The following NRXN3 variants were observed in gnomAD, a reference collection of about 807,000 sequenced individuals.
NRXN3 encodes neurexin 3.
Under a neutral mutation model 137.6 loss-of-function variants are expected in NRXN3, and 32 were observed. The ratio of observed to expected loss-of-function variants is 0.23; its 90% CI spans 0.18 to 0.31. The LOEUF (loss-of-function observed/expected upper bound fraction) is 0.31. NRXN3 is among the 10% of genes least tolerant of loss of function. The pLI, the probability that NRXN3 is intolerant of heterozygous loss-of-function variation, is 1.00. For missense variants in NRXN3, 1,574 were observed against 2,062.5 expected, an observed-to-expected ratio of 0.76 and a Z score of 4.59; for synonymous variants, 798 against 784.5, an observed-to-expected ratio of 1.02 and a Z score of -0.29.
chr14:79,146,347 C>T (rs1414485198), intron 15 of NRXN3, among the ~76,000 whole-genome samples: 1 of 152,092 alleles, frequency 6.6e-6, no homozygotes, highest in Non-Finnish European at 1.5e-5. Flanking sequence ...AACACCAAGG[C>T]TCTTAAGGAA....
chr14:79,585,869 G>T (rs1447737211), intron 16 of NRXN3, among the ~76,000 whole-genome samples: 1 of 152,092 alleles, frequency 6.6e-6, no homozygotes, highest in East Asian at 1.9e-4. Context: ...ATGAGGTATG[G>T]ATGAACAGCA....
At chr14:79,318,900 T>G (rs2153255580) in intron 15 of NRXN3, among the ~76,000 whole-genome samples, 1 of 152,346 alleles carries the variant, frequency 6.6e-6, no homozygotes, top group East Asian at 1.9e-4. Flanking sequence ...TAAGTATTAC[T>G]TTCCCTTCCT....
At chr14:78,661,601 A>G (rs1362973775) in intron 6 of NRXN3, among the ~76,000 whole-genome samples, 1 of 152,192 alleles carries the variant, frequency 6.6e-6, no homozygotes, top group African/African-American at 2.4e-5. Context: ...GTGTTATCTG[A>G]GGTTGAATTA....
intron 1 of NRXN3, among the ~76,000 whole-genome samples, chr14:78,191,942 T>C (rs2060774383): frequency 6.6e-6 from 1 of 152,044 alleles, no homozygotes; most frequent in South Asian, 2.1e-4. Context: ...GTTGCACTCA[T>C]TGAGATCATG....
intron 15 of NRXN3, among the ~76,000 whole-genome samples, chr14:78,995,721 A>G (rs1310590645): frequency 6.6e-6 from 1 of 152,250 alleles, no homozygotes; most frequent in African/African-American, 2.4e-5. Flanking sequence ...TCATGCAAAT[A>G]TAGAATGAAT....
At chr14:78,879,350 A>G (rs1460178167) in intron 10 of NRXN3, among the ~76,000 whole-genome samples, 1 of 152,150 alleles carries the variant, frequency 6.6e-6, no homozygotes, top group Admixed American at 6.5e-5. Flanking sequence ...CCTTTTCTCT[A>G]CATCCTTGCT....
chr14:78,668,934 G>A (rs5809902), intron 6 of NRXN3, among the ~76,000 whole-genome samples: 3,820 of 23,688 alleles, frequency 0.16, 96 homozygotes, highest in Middle Eastern at 0.38. Flanking sequence ...CTATCTATCT[G>A]TCTGTCTGTC....
chr14:78,727,739 A>G (rs1436184746), intron 8 of NRXN3, among the ~76,000 whole-genome samples: 1 of 152,188 alleles, frequency 6.6e-6, no homozygotes, highest in Non-Finnish European at 1.5e-5. Flanking sequence ...TCCGTCTCAA[A>G]AAAAAATGCT....
At position 79,170,127 on chromosome 14, in the gene NRXN3, C is replaced by T. The variant is rs553637924; in HGVS notation, c.3262+181986C>T. Among the ~76,000 whole-genome samples, 5 of 151,998 alleles carry T rather than the reference C, an allele frequency of 3.3e-5. No individual in the cohort carries two copies. In the East Asian group the frequency reaches 5.8e-4, roughly 18 times the overall value. Reference sequence around the variant, plus strand: ...TAAGTTAAATGTACTCCATGCTCAACGTTAATTGATGAACACATATCTATT... The same window carrying T: ...TAAGTTAAATGTACTCCATGCTCAATGTTAATTGATGAACACATATCTATT... On this transcript the variant is annotated intron_variant, in intron 15 of 20. Transcript: ENST00000335750.
chr14:78,446,145 A>T (rs937990415), intron 4 of NRXN3, among the ~76,000 whole-genome samples: 1 of 152,146 alleles, frequency 6.6e-6, no homozygotes, highest in African/African-American at 2.4e-5. Flanking sequence ...TCTATAAACT[A>T]CTGGGACAGT....
In NRXN3 at chr14:79,814,407, C is replaced by T. The variant is rs78386792; in HGVS notation, c.4093+9217C>T. 2.2e-3 allele frequency among the ~76,000 whole-genome samples: 336 copies of T among 152,274 alleles called. 10 individuals are homozygous for T. The East Asian group carries it at 0.044, about 20-fold the overall frequency. ...CTATTGTCTCTACTTTTAACCTTAC[C>T]CCTAGGGAACTTCACAAAGAAGCAA... On this transcript the variant is annotated intron_variant, in intron 20 of 20. Coordinates refer to ENST00000335750, the MANE Select transcript of NRXN3 (RefSeq NM_001330195.2).
At chr14:78,955,114 C>T (rs567857879) in intron 10 of NRXN3, among the ~76,000 whole-genome samples, 5 of 152,266 alleles carry the variant, frequency 3.3e-5, no homozygotes, top group African/African-American at 9.6e-5. Context: ...TTAAATAGCC[C>T]GTACTTGTAG....
At chr14:79,160,075 T>C (rs1223010176) in intron 15 of NRXN3, among the ~76,000 whole-genome samples, 4 of 151,858 alleles carry the variant, frequency 2.6e-5, no homozygotes, top group African/African-American at 9.7e-5. Flanking sequence ...ATGGTTCCAG[T>C]ATCACCCAAA....
chr14:79,582,795 TAAC>T (rs1199874360), intron 16 of NRXN3, among the ~76,000 whole-genome samples: 1 of 152,178 alleles, frequency 6.6e-6, no homozygotes, highest in African/African-American at 2.4e-5. Flanking sequence ...AATAAATACA[TAAC>T]AACATTATGT....
At chr14:79,007,463 T>C (rs956518953) in intron 15 of NRXN3, among the ~76,000 whole-genome samples, 14 of 151,800 alleles carry the variant, frequency 9.2e-5, no homozygotes, top group Admixed American at 1.3e-4. Context: ...TGAACTTTTT[T>C]TTTTTAAAGG....
intron 16 of NRXN3, among the ~76,000 whole-genome samples, chr14:79,474,678 TTAGTA>T (rs2096544008): frequency 6.6e-6 from 1 of 152,226 alleles, no homozygotes; most frequent in Non-Finnish European, 1.5e-5. Flanking sequence ...TCTATTCTCT[TTAGTA>T]TAAGCTTCCA....
At chr14:78,251,985 C>T (rs1172289143) in intron 2 of NRXN3, among the ~76,000 whole-genome samples, 1 of 152,042 alleles carries the variant, frequency 6.6e-6, no homozygotes, top group Admixed American at 6.5e-5. Context: ...TGGGAACTGA[C>T]ATTGCCAGTG....
At chr14:79,585,733 C>T (rs2097761169) in intron 16 of NRXN3, among the ~76,000 whole-genome samples, 1 of 130,366 alleles carries the variant, frequency 7.7e-6, no homozygotes, top group Admixed American at 7.4e-5. Context: ...TAAAATATAA[C>T]TCTAACTCTA....
chr14:79,461,830 A>T (rs1567189860), intron 15 of NRXN3, among the ~76,000 whole-genome samples: 2 of 152,210 alleles, frequency 1.3e-5, no homozygotes, highest in Non-Finnish European at 2.9e-5. Context: ...AAAGAGTAAT[A>T]AAAAAGAAAT....
Sources: gnomAD v4.1 joint callset for allele counts (sites outside exome capture counted in the v4.1 genomes callset) on GRCh38, gnomAD v4.1.1 for gene constraint, MANE v1.5 for transcripts, NCBI Gene and HGNC (gene_info 2026-07-23, HGNC 2026-07-21) for gene names.